NAALADL2: variants seen among roughly 807,000 people sequenced by gnomAD.
NAALADL2 encodes N-acetylated alpha-linked acidic dipeptidase like 2.
A neutral mutation model predicts 87.2 loss-of-function variants in NAALADL2; 76 were observed. That is an observed-to-expected ratio of 0.87 (90% CI 0.72 to 1.05). NAALADL2 has a LOEUF of 1.05. Among genes scored for constraint, NAALADL2 ranks in the 50% least tolerant of loss-of-function variants. NAALADL2 has a pLI of 0.00. For missense variants in NAALADL2, 1,089 were observed against 945.8 expected (o/e 1.15, Z -1.99); for synonymous variants, 354 against 331.0 (o/e 1.07, Z -0.75).
At chr3:175,148,094 A>G (rs866576419) in intron 2 of NAALADL2, among the ~76,000 whole-genome samples, 1 of 125,528 alleles carries the variant, frequency 8.0e-6, no homozygotes, top group East Asian at 2.1e-4. Context: ...TGATAATGAT[A>G]ATAATAATAA....
At chr3:175,716,750 A>G (rs1741356069) in intron 11 of NAALADL2, among the ~76,000 whole-genome samples, 1 of 152,144 alleles carries the variant, frequency 6.6e-6, no homozygotes, top group Non-Finnish European at 1.5e-5. Flanking sequence ...TTTTAAGAGC[A>G]AAGTTATATG....
intron 1 of NAALADL2, among the ~76,000 whole-genome samples, chr3:175,013,301 A>ATATATTTTTT (rs1553916905): frequency 1.7e-4 from 12 of 72,072 alleles, no homozygotes; most frequent in African/African-American, 7.0e-4. Context: ...ATATATATAT[A>ATATATTTTTT]TTTTTTTTTT....
At chr3:175,428,291 G>A (rs558514460) in intron 5 of NAALADL2, among the ~76,000 whole-genome samples, 1 of 152,144 alleles carries the variant, frequency 6.6e-6, no homozygotes, top group East Asian at 1.9e-4. Flanking sequence ...AAGTTTTTTT[G>A]AAGAAAACGA....
chr3:174,687,306 A>C (rs1728139713), intron 2 of NAALADL2, among the ~76,000 whole-genome samples: 1 of 152,008 alleles, frequency 6.6e-6, no homozygotes, highest in Non-Finnish European at 1.5e-5. Flanking sequence ...GCTTCCCTTA[A>C]CACCTTGCAT....
intron 2 of NAALADL2, among the ~76,000 whole-genome samples, chr3:174,568,118 G>A (rs192051376): frequency 1.3e-5 from 2 of 151,586 alleles, no homozygotes; most frequent in Admixed American, 1.3e-4. Flanking sequence ...TTCTTCTTTG[G>A]GAAAAACAAA....
intron 2 of NAALADL2, among the ~76,000 whole-genome samples, chr3:175,229,757 T>C (rs1744674546): frequency 6.6e-6 from 1 of 151,992 alleles, no homozygotes; most frequent in South Asian, 2.1e-4. Flanking sequence ...TATTGATATA[T>C]TATTATAAGG....
chr3:175,758,027 C>T (rs1452763533), intron 13 of NAALADL2, among the ~76,000 whole-genome samples: 1 of 151,950 alleles, frequency 6.6e-6, no homozygotes, highest in Non-Finnish European at 1.5e-5. Context: ...ATACGGAAGA[C>T]CCCTCTATGG....
rs556207597 is a variant in NAALADL2 at position 175,258,263 on chromosome 3, A to C, written c.939+1733A>C. Among the ~76,000 whole-genome samples, 40 of 146,242 alleles carry C rather than the reference A, an allele frequency of 2.7e-4. No homozygotes were observed. The East Asian group carries it at 4.5e-3, about 17-fold the overall frequency. ...GCAGAACTTGCAATGAGCCGAGATCACGCCACTGCACTCCAGCCTGGGCAA... is the reference window on the plus strand; with the variant it reads ...GCAGAACTTGCAATGAGCCGAGATCCCGCCACTGCACTCCAGCCTGGGCAA... On this transcript the variant is annotated intron_variant, in intron 4 of 13. Transcript: ENST00000454872.
intron 2 of NAALADL2, among the ~76,000 whole-genome samples, chr3:174,688,295 A>C (rs925238996): frequency 6.6e-6 from 1 of 152,170 alleles, no homozygotes; most frequent in Non-Finnish European, 1.5e-5. Flanking sequence ...TTATGAAGAT[A>C]AATTTAATAA....
intron 1 of NAALADL2, among the ~76,000 whole-genome samples, chr3:175,000,096 A>G (rs1321299715): frequency 6.6e-6 from 1 of 152,200 alleles, no homozygotes; most frequent in Non-Finnish European, 1.5e-5. Flanking sequence ...AATAAACTTC[A>G]GCTAGTAGCT....
At chr3:174,899,266 T>C (rs1025740333) in intron 1 of NAALADL2, among the ~76,000 whole-genome samples, 1 of 152,086 alleles carries the variant, frequency 6.6e-6, no homozygotes, top group East Asian at 1.9e-4. Flanking sequence ...GAGAAATGAG[T>C]AATATATAGA....
At chr3:175,537,107 T>C (rs1232768141) in intron 9 of NAALADL2, among the ~76,000 whole-genome samples, 1 of 152,214 alleles carries the variant, frequency 6.6e-6, no homozygotes, top group East Asian at 1.9e-4. Context: ...GGCACTATTA[T>C]TATCCTTTTA....
At chr3:175,250,682 A>G (rs1482393617) in intron 3 of NAALADL2, among the ~76,000 whole-genome samples, 1 of 152,138 alleles carries the variant, frequency 6.6e-6, no homozygotes, top group Non-Finnish European at 1.5e-5. Flanking sequence ...CTTGAATTCT[A>G]GTCATATAAG....
chr3:174,727,279 C>T (rs1012832340), intron 2 of NAALADL2, among the ~76,000 whole-genome samples: 1 of 146,516 alleles, frequency 6.8e-6, no homozygotes. Flanking sequence ...ATTCCACTTT[C>T]TAAAAAAAAA....
intron 3 of NAALADL2, among the ~76,000 whole-genome samples, chr3:174,851,362 T>TAAA (rs34003047): frequency 9.2e-4 from 99 of 107,818 alleles, no homozygotes; most frequent in Middle Eastern, 0.011. Flanking sequence ...TCAGCCAGAC[T>TAAA]AAAAAAAAAA....
At chr3:175,393,690 T>C (rs1769375325) in intron 5 of NAALADL2, among the ~76,000 whole-genome samples, 1 of 152,148 alleles carries the variant, frequency 6.6e-6, no homozygotes, top group South Asian at 2.1e-4. Flanking sequence ...GAGACATCAG[T>C]TTTTTATCCT....
chr3:175,663,215 C>A (rs1732505889), intron 11 of NAALADL2, among the ~76,000 whole-genome samples: 1 of 151,218 alleles, frequency 6.6e-6, no homozygotes, highest in Non-Finnish European at 1.5e-5. Context: ...ACTACTGCTT[C>A]AGTCTTATTA....
intron 11 of NAALADL2, among the ~76,000 whole-genome samples, chr3:175,734,114 A>G (rs1744174808): frequency 6.6e-6 from 1 of 152,180 alleles, no homozygotes; most frequent in Non-Finnish European, 1.5e-5. Context: ...CTCTTCTCAC[A>G]GCTCCACTAC....
intron 11 of NAALADL2, among the ~76,000 whole-genome samples, chr3:175,663,352 T>C (rs978165981): frequency 5.3e-5 from 8 of 151,802 alleles, no homozygotes; most frequent in African/African-American, 1.9e-4. Context: ...CCAATTTGTT[T>C]GTAATAGTCT....
Sources: allele counts gnomAD v4.1 joint callset (sites outside exome capture counted in the v4.1 genomes callset), GRCh38; gene constraint gnomAD v4.1.1; transcripts MANE v1.5; gene names NCBI Gene and HGNC (gene_info 2026-07-23, HGNC 2026-07-21).